The following EIF2B3 variants were observed in gnomAD, a reference collection of about 807,000 sequenced individuals.
EIF2B3 encodes the protein eukaryotic translation initiation factor 2B subunit gamma.
EIF2B3 carries 20 observed loss-of-function variants against 54.1 expected under a neutral mutation model. The observed-to-expected ratio is 0.37, with a 90% CI of 0.26 to 0.54. The LOEUF is 0.54. Ranked by LOEUF, EIF2B3 falls within the 20% of genes least tolerant of loss-of-function variation. EIF2B3 has a pLI of 0.86. For synonymous variants in EIF2B3, 153 were observed against 188.1 expected, an observed-to-expected ratio of 0.81 and a Z score of 1.52; for missense variants, 448 against 547.8, an observed-to-expected ratio of 0.82 and a Z score of 1.82.
chr1:44,873,807 ATTTTTTT>A (rs35507556), intron 10 of EIF2B3, among the ~76,000 whole-genome samples: 2 of 142,282 alleles, frequency 1.4e-5, no homozygotes, highest in Non-Finnish European at 3.1e-5. Context: ...CACCTGGCTA[ATTTTTTT>A]TTTTTTTGTA....
At chr1:44,978,559 T>A (rs1030520491) in intron 2 of EIF2B3, 99 bp from the exon 3 acceptor site, 2 of 1,061,780 alleles carry the variant, frequency 1.9e-6, no homozygotes, top group Non-Finnish European at 1.4e-6. Flanking sequence ...CTAGGTGTAA[T>A]AACAACTGCT....
At chr1:44,947,899 G>T (rs1008948989) in intron 3 of EIF2B3, among the ~76,000 whole-genome samples, 13 of 151,852 alleles carry the variant, frequency 8.6e-5, no homozygotes, top group Non-Finnish European at 1.5e-4. Context: ...TAGACAAGGG[G>T]TCTCCCTATA....
chr1:44,966,355 C>T (rs773628577), intron 3 of EIF2B3, among the ~76,000 whole-genome samples: 7 of 149,784 alleles, frequency 4.7e-5, no homozygotes, highest in South Asian at 2.1e-4. Flanking sequence ...AGGAGAATGG[C>T]GTGAACCTGG....
Position 44,889,961 on chromosome 1 carries a change from G to C in EIF2B3, c.656+7394C>G, listed in dbSNP as rs577324054. On this transcript the variant is annotated intron_variant, in intron 6 of 11. Transcript: ENST00000360403. ...TCATAAAACCCCAGGAATGGGTGGT[G>C]GATAGATTCCTCTGAAAATCTAAGG... Among the ~76,000 whole-genome samples the C allele has an allele frequency of 7.2e-5, 11 of 152,352 alleles. No homozygotes were observed. The South Asian group carries it at 2.3e-3, about 32-fold the overall frequency.
chr1:44,964,215 A>G (rs115472797), intron 3 of EIF2B3, among the ~76,000 whole-genome samples: 1,837 of 152,058 alleles, frequency 0.012, 41 homozygotes, highest in African/African-American at 0.042. Context: ...CGCCACCAGT[A>G]GACTCCAGGA....
At chr1:44,920,925 T>G (rs536385285) in intron 5 of EIF2B3, among the ~76,000 whole-genome samples, 1 of 152,330 alleles carries the variant, frequency 6.6e-6, no homozygotes, top group East Asian at 1.9e-4. Flanking sequence ...ATTGCTGGAT[T>G]GTATGGTAGC....
chr1:44,877,638 C>A (rs1323062646), intron 8 of EIF2B3, among the ~76,000 whole-genome samples: 2 of 152,162 alleles, frequency 1.3e-5, no homozygotes, highest in South Asian at 2.1e-4. Context: ...TATCCCCCAG[C>A]CAAAAGAAAA....
chr1:44,857,455 C>G (rs1035196421), intron 11 of EIF2B3, among the ~76,000 whole-genome samples: 1 of 151,664 alleles, frequency 6.6e-6, no homozygotes, highest in African/African-American at 2.4e-5. Context: ...CGCTTGAACC[C>G]GGGAGGCGGA....
chr1:44,856,907 C>A (rs1654451383), intron 11 of EIF2B3, among the ~76,000 whole-genome samples: 2 of 152,190 alleles, frequency 1.3e-5, no homozygotes, highest in Admixed American at 6.5e-5. Context: ...CAGGCTCAAG[C>A]AATCCTCCTG....
chr1:44,936,886 A>T (rs1643953851), intron 4 of EIF2B3, among the ~76,000 whole-genome samples: 1 of 152,182 alleles, frequency 6.6e-6, no homozygotes, highest in Admixed American at 6.5e-5. Flanking sequence ...TAAACATGTC[A>T]TTTAATTCTC....
At chr1:44,958,463 C>G in intron 3 of EIF2B3, 3 of 708,766 alleles carry the variant, frequency 4.2e-6, no homozygotes, top group South Asian at 1.9e-5. Context: ...GTCTGGACCT[C>G]TTTGGTGCTG....
intron 6 of EIF2B3, among the ~76,000 whole-genome samples, chr1:44,883,195 C>T (rs1655468924): frequency 6.6e-6 from 1 of 151,852 alleles, no homozygotes. Flanking sequence ...GCTCCGGCCT[C>T]TCAACATGCT....
intron 6 of EIF2B3, among the ~76,000 whole-genome samples, chr1:44,882,690 C>G (rs937615687): frequency 2.0e-5 from 3 of 151,044 alleles, no homozygotes; most frequent in Non-Finnish European, 4.4e-5. Context: ...TCTCAGCTCA[C>G]TGCAACCTCT....
intron 4 of EIF2B3, among the ~76,000 whole-genome samples, chr1:44,935,561 G>A (rs1004630459): frequency 6.6e-6 from 1 of 152,092 alleles, no homozygotes; most frequent in Non-Finnish European, 1.5e-5. Flanking sequence ...ATACAGTGGC[G>A]TGATCTTGGC....
intron 5 of EIF2B3, among the ~76,000 whole-genome samples, chr1:44,922,721 T>C (rs983652948): frequency 6.6e-6 from 1 of 152,038 alleles, no homozygotes. Context: ...CTTGCATCAA[T>C]ATTTTATAAT....
intron 5 of EIF2B3, among the ~76,000 whole-genome samples, chr1:44,922,054 C>T (rs1052159553): frequency 2.0e-5 from 3 of 150,868 alleles, no homozygotes; most frequent in African/African-American, 7.3e-5. Context: ...TCACAGGCGC[C>T]CACAACCACG....
chr1:44,960,587 G>C (rs537493067), intron 3 of EIF2B3, among the ~76,000 whole-genome samples: 1 of 151,712 alleles, frequency 6.6e-6, no homozygotes, highest in Non-Finnish European at 1.5e-5. Context: ...GCAGTGAGCC[G>C]AGATCGCGCC....
At chr1:44,909,851 C>A (rs1643478629) in intron 5 of EIF2B3, among the ~76,000 whole-genome samples, 1 of 152,132 alleles carries the variant, frequency 6.6e-6, no homozygotes, top group Admixed American at 6.5e-5. Context: ...TATTTCAAGA[C>A]TCCCACACCA....
At chr1:44,911,144 G>C (rs998131541) in intron 5 of EIF2B3, among the ~76,000 whole-genome samples, 4 of 152,168 alleles carry the variant, frequency 2.6e-5, no homozygotes, top group Non-Finnish European at 4.4e-5. Flanking sequence ...TAATCAGAAA[G>C]TGCTTGAAAA....
Sources: allele counts gnomAD v4.1 joint callset (sites outside exome capture counted in the v4.1 genomes callset), GRCh38; gene constraint gnomAD v4.1.1; transcripts MANE v1.5; gene names NCBI Gene and HGNC (gene_info 2026-07-23, HGNC 2026-07-21).